The following LPP variants were observed in gnomAD, a reference collection of about 807,000 sequenced individuals.
LPP encodes lipoma-preferred partner.
LPP carries 38 observed loss-of-function variants against 60.4 expected under a neutral mutation model. The ratio of observed to expected loss-of-function variants is 0.63; its 90% CI spans 0.49 to 0.83. The LOEUF (loss-of-function observed/expected upper bound fraction) is 0.83. LPP is among the 40% of genes least tolerant of loss of function. LPP has a pLI of 0.00. For missense variants in LPP, 902 were observed against 783.6 expected (o/e 1.15, Z -1.80); for synonymous variants, 328 against 290.8 (o/e 1.13, Z -1.30).
At chr3:188,755,640 C>A (rs957893797) in intron 8 of LPP, among the ~76,000 whole-genome samples, 3 of 151,484 alleles carry the variant, frequency 2.0e-5, no homozygotes, top group African/African-American at 7.3e-5. Context: ...CCTATCTGTA[C>A]AGGAAAATAT....
chr3:188,850,173 T>A (rs919587923), intron 9 of LPP, among the ~76,000 whole-genome samples: 1 of 152,204 alleles, frequency 6.6e-6, no homozygotes, highest in Non-Finnish European at 1.5e-5. Flanking sequence ...GATGGTAGAA[T>A]GAAACAGAGA....
intron 7 of LPP, among the ~76,000 whole-genome samples, chr3:188,647,267 C>T (rs1851275244): frequency 6.6e-6 from 1 of 152,220 alleles, no homozygotes; most frequent in Non-Finnish European, 1.5e-5. Context: ...GGTCCTCACA[C>T]AGGGCTCACT....
At chr3:188,524,447 C>G (rs537636373) in intron 5 of LPP, among the ~76,000 whole-genome samples, 1 of 152,076 alleles carries the variant, frequency 6.6e-6, no homozygotes, top group African/African-American at 2.4e-5. Context: ...AAGTGTGTGA[C>G]CTGAGAAAAA....
intron 6 of LPP, among the ~76,000 whole-genome samples, chr3:188,588,129 A>G (rs1194021479): frequency 2.0e-5 from 3 of 152,334 alleles, no homozygotes; most frequent in East Asian, 3.9e-4. Context: ...CTGAGATCCT[A>G]TGTGGATATG....
At chr3:188,350,724 C>G (rs573683599) in intron 3 of LPP, among the ~76,000 whole-genome samples, 1 of 152,300 alleles carries the variant, frequency 6.6e-6, no homozygotes, top group East Asian at 1.9e-4. Flanking sequence ...TTATATTCTT[C>G]TTACTGTCCA....
intron 4 of LPP, among the ~76,000 whole-genome samples, chr3:188,432,336 T>A (rs1791106448): frequency 6.6e-6 from 1 of 152,182 alleles, no homozygotes; most frequent in South Asian, 2.1e-4. Context: ...ATCTACTATA[T>A]CTGTGTATAC....
chr3:188,717,967 G>A (rs1461695922), intron 8 of LPP, among the ~76,000 whole-genome samples: 2 of 152,106 alleles, frequency 1.3e-5, no homozygotes, highest in African/African-American at 2.4e-5. Flanking sequence ...ACAGGCATAT[G>A]CCAGCATGCC....
At chr3:188,242,718 G>A (rs1413338066) in intron 2 of LPP, among the ~76,000 whole-genome samples, 2 of 152,144 alleles carry the variant, frequency 1.3e-5, no homozygotes, top group African/African-American at 2.4e-5. Context: ...AGGCTAACAT[G>A]CCATCATTCA....
chr3:188,579,355 A>G (rs1181444879), intron 6 of LPP, among the ~76,000 whole-genome samples: 1 of 152,226 alleles, frequency 6.6e-6, no homozygotes, highest in East Asian at 1.9e-4. Context: ...ACTGGGTTCC[A>G]CCCAATCTCT....
chr3:188,309,419 G>T (rs973524559), intron 2 of LPP, among the ~76,000 whole-genome samples: 1 of 152,124 alleles, frequency 6.6e-6, no homozygotes, highest in Non-Finnish European at 1.5e-5. Context: ...TGAAGCTAAG[G>T]TTAAAGATGA....
intron 2 of LPP, among the ~76,000 whole-genome samples, chr3:188,291,158 T>C (rs1745792185): frequency 6.6e-6 from 1 of 152,204 alleles, no homozygotes; most frequent in Admixed American, 6.5e-5. Flanking sequence ...CTTCAGAATC[T>C]TTTACTTTCT....
At chr3:188,540,117 C>A (rs1382270295) in intron 6 of LPP, among the ~76,000 whole-genome samples, 2 of 152,036 alleles carry the variant, frequency 1.3e-5, no homozygotes, top group Admixed American at 1.3e-4. Flanking sequence ...ATGACCTGGC[C>A]CCTGTGGGTA....
intron 9 of LPP, among the ~76,000 whole-genome samples, chr3:188,865,641 G>A (rs1193790489): frequency 6.6e-6 from 1 of 151,686 alleles, no homozygotes; most frequent in African/African-American, 2.4e-5. Context: ...TAGTTCAAGG[G>A]TCAACAAACT....
chr3:188,256,454 A>G (rs1731704031), intron 2 of LPP, among the ~76,000 whole-genome samples: 1 of 152,174 alleles, frequency 6.6e-6, no homozygotes, highest in African/African-American at 2.4e-5. Context: ...TTGTTTGTGG[A>G]ATGCATTTAT....
intron 8 of LPP, among the ~76,000 whole-genome samples, chr3:188,721,255 A>G (rs1716250324): frequency 6.6e-6 from 1 of 152,116 alleles, no homozygotes; most frequent in African/African-American, 2.4e-5. Flanking sequence ...TACTATATTT[A>G]AATTTTAAAA....
intron 2 of LPP, among the ~76,000 whole-genome samples, chr3:188,330,255 A>G (rs1477702272): frequency 6.6e-6 from 1 of 152,232 alleles, no homozygotes; most frequent in African/African-American, 2.4e-5. Context: ...CTCTTATGTT[A>G]TAGAGTAACT....
intron 7 of LPP, among the ~76,000 whole-genome samples, chr3:188,693,651 G>A (rs998604481): frequency 6.6e-5 from 10 of 152,124 alleles, no homozygotes; most frequent in Non-Finnish European, 7.4e-5. Context: ...AGCGCAGCCC[G>A]ACAGAATTCT....
intron 2 of LPP, among the ~76,000 whole-genome samples, chr3:188,238,718 C>A (rs73059611): frequency 0.017 from 2,519 of 151,942 alleles, 63 homozygotes; most frequent in African/African-American, 0.055. Context: ...ATAGTCACAT[C>A]GAATATCACT....
chr3:188,658,393 G>A (rs1853833038), intron 7 of LPP, among the ~76,000 whole-genome samples: 1 of 134,504 alleles, frequency 7.4e-6, no homozygotes, highest in South Asian at 2.6e-4. Flanking sequence ...TGGTCTGCCT[G>A]CCTTGGCCTC....
Sources: allele counts gnomAD v4.1 joint callset (sites outside exome capture counted in the v4.1 genomes callset), GRCh38; gene constraint gnomAD v4.1.1; transcripts MANE v1.5; gene names NCBI Gene and HGNC (gene_info 2026-07-23, HGNC 2026-07-21).